SERINC5: variants seen among roughly 807,000 people sequenced by gnomAD.
The protein encoded by SERINC5 is chromosome 5 open reading frame 12.
SERINC5 carries 41 observed loss-of-function variants against 63.1 expected under a neutral mutation model. The observed-to-expected ratio is 0.65, with a 90% CI of 0.51 to 0.84. The LOEUF (loss-of-function observed/expected upper bound fraction) is 0.84. Ranked by LOEUF, SERINC5 falls within the 40% of genes least tolerant of loss-of-function variation. SERINC5 has a pLI of 0.00. For synonymous variants in SERINC5, 222 were observed against 215.2 expected, an observed-to-expected ratio of 1.03 and a Z score of -0.28; for missense variants, 523 against 573.0, an observed-to-expected ratio of 0.91 and a Z score of 0.89.
At chr5:80,171,113 T>C (rs1243647884) in intron 5 of SERINC5, among the ~76,000 whole-genome samples, 2 of 152,090 alleles carry the variant, frequency 1.3e-5, no homozygotes, top group African/African-American at 4.8e-5. Flanking sequence ...CAGGTTCAAG[T>C]AATTCTCTGC....
rs1745339299 is a variant in SERINC5, at chr5:80,138,883, AAAC to A, written c.*4777_*4779del. 3.1e-6 allele frequency: 3 copies of A among 974,566 alleles called. No individual in the cohort carries two copies. The highest frequency in any genetic ancestry group is 4.8e-5 in the South Asian group (1 of 21,048). The allele number at this position is 974,566 out of a possible 1,614,324, so 60.4% of individuals were successfully genotyped here. A position where few individuals can be genotyped will look rare whatever the true frequency, so the allele number is the denominator to read the frequency against. ...TATATGTATCTAGCAGAAGAGAAAAAAACAACACAGTTTTAATTTTAAATTTTA... is the reference window on the plus strand; with the variant it reads ...TATATGTATCTAGCAGAAGAGAAAAAAACACAGTTTTAATTTTAAATTTTA... On this transcript the variant is annotated 3_prime_UTR_variant, in exon 12 of 12. Coordinates refer to ENST00000507668, the MANE Select transcript of SERINC5 (RefSeq NM_001174072.3).
rs11267118 is a variant in SERINC5, at chr5:80,139,596, A to AAGAGAG, written c.*4061_*4066dup. 1.8e-4 allele frequency: 173 copies of AAGAGAG among 963,696 alleles called. No individual in the cohort carries two copies. The South Asian group carries it at 3.7e-3, about 21-fold the overall frequency. 59.7% of individuals were successfully genotyped at this position (963,696 alleles called of 1,614,324 possible). ...TGAAAGAGTTGTTGAGAAAGAAGAA[A>AAGAGAG]AGAGAGAGAGAGAGAAAGGTCTAAA... On this transcript the variant is annotated 3_prime_UTR_variant, in exon 12 of 12. Coordinates refer to ENST00000507668, the MANE Select transcript of SERINC5 (RefSeq NM_001174072.3).
At chr5:80,186,777 A>G (rs540915926) in intron 2 of SERINC5, among the ~76,000 whole-genome samples, 67 of 152,336 alleles carry the variant, frequency 4.4e-4, no homozygotes, top group Non-Finnish European at 8.1e-4. Context: ...GAAAACATGT[A>G]TAAGTTTTGG....
chr5:80,180,409 C>G (rs1748343229), intron 2 of SERINC5, among the ~76,000 whole-genome samples: 1 of 152,170 alleles, frequency 6.6e-6, no homozygotes, highest in Admixed American at 6.5e-5. Context: ...AGATAATTTA[C>G]AGTTTCTTCT....
intron 1 of SERINC5, among the ~76,000 whole-genome samples, chr5:80,238,207 T>G (rs1433480763): frequency 1.3e-5 from 2 of 151,788 alleles, no homozygotes; most frequent in South Asian, 4.2e-4. Context: ...TACAGCTTCA[T>G]GCTTTTCAAA....
downstream of SERINC5, among the ~76,000 whole-genome samples, chr5:80,136,415 TC>T (rs1388853918): frequency 6.6e-6 from 1 of 152,248 alleles, no homozygotes; most frequent in East Asian, 1.9e-4. Flanking sequence ...ATTTATATTC[TC>T]AACAATTAGC....
chr5:80,157,771 G>A (rs1451238919), intron 8 of SERINC5: 1 of 152,202 alleles, frequency 6.6e-6, no homozygotes, highest in Non-Finnish European at 1.5e-5. Flanking sequence ...CTGTCACTAT[G>A]TCACACAGGC....
chr5:80,232,394 ACT>A (rs1751488334), intron 1 of SERINC5, among the ~76,000 whole-genome samples: 1 of 140,426 alleles, frequency 7.1e-6, no homozygotes, highest in South Asian at 2.2e-4. Context: ...ACAGAGTGAG[ACT>A]CTGTCTCAAA....
chr5:80,227,903 G>A (rs1243782308), intron 1 of SERINC5, among the ~76,000 whole-genome samples: 1 of 151,752 alleles, frequency 6.6e-6, no homozygotes, highest in African/African-American at 2.4e-5. Context: ...AAAGTTTCTA[G>A]CAATTATTCT....
chr5:80,156,728 G>C (rs1183111974), intron 8 of SERINC5, among the ~76,000 whole-genome samples: 1 of 152,100 alleles, frequency 6.6e-6, no homozygotes, highest in African/African-American at 2.4e-5. Context: ...TATCAGACCA[G>C]CCCTTACCAA....
chr5:80,189,652 C>G (rs1749057794), intron 2 of SERINC5, among the ~76,000 whole-genome samples: 1 of 152,128 alleles, frequency 6.6e-6, no homozygotes, highest in Admixed American at 6.5e-5. Flanking sequence ...CTATTCTAAC[C>G]ATTTAGAGAA....
chr5:80,112,608 C>T (rs1744162586), intron 12 of SERINC5, among the ~76,000 whole-genome samples: 1 of 152,010 alleles, frequency 6.6e-6, no homozygotes, highest in African/African-American at 2.4e-5. Flanking sequence ...CTCGTCCCAC[C>T]TGACGAGAAA....
chr5:80,244,227 T>C (rs1457820203), intron 1 of SERINC5, among the ~76,000 whole-genome samples: 4 of 151,960 alleles, frequency 2.6e-5, no homozygotes, highest in Non-Finnish European at 4.4e-5. Flanking sequence ...CACTTTTTTT[T>C]TTTTTTGAGA....
intron 1 of SERINC5, among the ~76,000 whole-genome samples, chr5:80,249,763 T>C (rs1752321247): frequency 2.0e-5 from 3 of 151,566 alleles, no homozygotes; most frequent in Admixed American, 6.6e-5. Context: ...GATCACGCCA[T>C]TGCACTCCAG....
intron 11 of SERINC5, among the ~76,000 whole-genome samples, chr5:80,144,676 AC>A (rs1242647021): frequency 6.6e-6 from 1 of 151,822 alleles, no homozygotes; most frequent in African/African-American, 2.4e-5. Context: ...CACCACTCCC[AC>A]CACCCCTACC....
chr5:80,191,545 T>C (rs1386159001), intron 2 of SERINC5, among the ~76,000 whole-genome samples: 1 of 145,928 alleles, frequency 6.9e-6, no homozygotes, highest in African/African-American at 2.5e-5. Flanking sequence ...ACATCTATGG[T>C]CCCGGTTACT....
intron 5 of SERINC5, among the ~76,000 whole-genome samples, 169 bp downstream of exon 5, chr5:80,174,785 G>T (rs1747917388): frequency 6.6e-6 from 1 of 152,078 alleles, no homozygotes; most frequent in African/African-American, 2.4e-5. Context: ...GGGGCAGGGG[G>T]TCAAAAAGTG....
intron 2 of SERINC5, among the ~76,000 whole-genome samples, chr5:80,186,829 G>A (rs1377145393): frequency 1.3e-5 from 2 of 152,150 alleles, no homozygotes; most frequent in African/African-American, 4.8e-5. Flanking sequence ...GGTGAAAGTT[G>A]TAGTTGTGTA....
downstream of SERINC5, among the ~76,000 whole-genome samples, chr5:80,136,245 T>C (rs547655679): frequency 2.6e-5 from 4 of 151,886 alleles, 1 homozygote; most frequent in African/African-American, 9.7e-5. Flanking sequence ...ATCACACCAC[T>C]ACACTCCAGC....
Sources: gnomAD v4.1 joint callset for allele counts (sites outside exome capture counted in the v4.1 genomes callset) on GRCh38, gnomAD v4.1.1 for gene constraint, MANE v1.5 for transcripts, NCBI Gene and HGNC (gene_info 2026-07-23, HGNC 2026-07-21) for gene names.